The following USP26 variants were observed in gnomAD, a reference collection of about 807,000 sequenced individuals.
USP26 encodes ubiquitin specific peptidase 26.
For synonymous variants in USP26, 236 were observed against 240.6 expected (o/e 0.98, Z 0.18); for missense variants, 649 against 642.3 (o/e 1.01, Z -0.11).
chrX:133,039,394 G>C (rs921310232), intron 5 of USP26, among the ~76,000 whole-genome samples: 1 of 111,790 alleles, frequency 8.9e-6, no homozygotes, highest in Non-Finnish European at 1.9e-5. Flanking sequence ...AAAGGACTTC[G>C]TTATTTCTGT....
chrX:133,088,631 A>G (rs1011845224), intron 4 of USP26, among the ~76,000 whole-genome samples: 2 of 111,741 alleles, frequency 1.8e-5, no homozygotes, highest in African/African-American at 3.3e-5. Context: ...TTAAGTTCTG[A>G]ATAGGGTCAC....
rs2067335230 is a variant in USP26, at chrX:133,024,027, G to A, written c.*1452C>T. ...AACAGATTCACTGCCTCAAAGGCAGGAAAAGGTTATGATAATAGTGGTGGC... is the reference window on the plus strand; with the variant it reads ...AACAGATTCACTGCCTCAAAGGCAGAAAAAGGTTATGATAATAGTGGTGGC... On this transcript the variant is annotated 3_prime_UTR_variant, in exon 6 of 6. Transcript: ENST00000511190. Among the ~76,000 whole-genome samples, 1 of 111,862 alleles carries A rather than the reference G, an allele frequency of 8.9e-6. No homozygotes were observed.
At chrX:133,029,480 T>C (rs749946645) in intron 5 of USP26, among the ~76,000 whole-genome samples, 1 of 112,397 alleles carries the variant, frequency 8.9e-6, no homozygotes, top group South Asian at 3.7e-4. Flanking sequence ...ATATTTTTCA[T>C]GGTAGAAATG....
intron 5 of USP26, among the ~76,000 whole-genome samples, chrX:133,063,814 C>A (rs1288382726): frequency 9.0e-6 from 1 of 111,495 alleles, no homozygotes; most frequent in Non-Finnish European, 1.9e-5. Flanking sequence ...TGAAAAAACT[C>A]CATCAACTAA....
intron 5 of USP26, among the ~76,000 whole-genome samples, chrX:133,071,921 G>A (rs1329432560): frequency 5.4e-5 from 6 of 111,314 alleles, no homozygotes; most frequent in Non-Finnish European, 1.1e-4. Flanking sequence ...GAAGGTAAAG[G>A]GTTGGCCCCA....
At chrX:133,086,891 G>T (rs1202593886) in intron 4 of USP26, among the ~76,000 whole-genome samples, 1 of 98,099 alleles carries the variant, frequency 1.0e-5, no homozygotes, top group Non-Finnish European at 2.0e-5. Flanking sequence ...TTCAGTGTCG[G>T]TGACAGAGAG....
rs1483719969 is a variant in USP26, at chrX:133,025,581, G to A, written c.2640C>T (p.Ile880=). 2.5e-6 allele frequency: 3 copies of A among 1,211,273 alleles called. No individual in the cohort carries two copies. The highest frequency in any genetic ancestry group is 2.2e-5 in the Admixed American group (1 of 45,937). The part of the protein sequence containing the change: ...MQEDRRCTGY[I]FFYMHNEIFE... ...AGATCTCATTATGCATGTAAAAGAAGATGTACCCAGTGCAACGCCTATCCT... is the reference window on the plus strand; with the variant it reads ...AGATCTCATTATGCATGTAAAAGAAAATGTACCCAGTGCAACGCCTATCCT... Residue 880 remains isoleucine, a synonymous_variant, in exon 6 of 6, where the codon ATC becomes ATT. Transcript: ENST00000511190.
In USP26 at chrX:133,027,057, A is replaced by T; in HGVS notation, c.1164T>A (p.Ala388=). ...TATCTTTCAGTTGATCTAAACAGTG[A>T]GCTAAAAACTCATGAGCATCGTTCT... The part of the protein sequence containing the change: ...NAQNDAHEFL[A]HCLDQLKDNM... Residue 388 remains alanine, a synonymous_variant, in exon 6 of 6, where the codon GCT becomes GCA. Transcript: ENST00000511190. The T allele has an allele frequency of 8.3e-7, 1 of 1,211,648 alleles. No individual in the cohort carries two copies. Among genetic ancestry groups the T allele is most frequent in the Non-Finnish European group, 1.1e-6 (1 of 895,363 alleles).
chrX:133,054,324 T>C (rs2067469040), intron 5 of USP26, among the ~76,000 whole-genome samples: 3 of 111,133 alleles, frequency 2.7e-5, no homozygotes. Context: ...TCTTTTCCAC[T>C]CACTTTACAT....
At chrX:133,081,382 C>T (rs1005127475) in intron 5 of USP26, among the ~76,000 whole-genome samples, 2 of 49,933 alleles carry the variant, frequency 4.0e-5, no homozygotes, top group Non-Finnish European at 7.6e-5. Context: ...CTGCAACCTC[C>T]GCCTCCTGGA....
intron 4 of USP26, among the ~76,000 whole-genome samples, chrX:133,084,069 T>C (rs1328130315): frequency 8.9e-6 from 1 of 112,138 alleles, no homozygotes; most frequent in East Asian, 2.8e-4. Context: ...CCTGAAGTAC[T>C]TGTGGCTATC....
chrX:133,083,191 A>G (rs2067575935), intron 5 of USP26, among the ~76,000 whole-genome samples: 1 of 111,956 alleles, frequency 8.9e-6, no homozygotes, highest in African/African-American at 3.2e-5. Context: ...ATAGCAATAA[A>G]CTTCAGTATA....
chrX:133,046,537 A>G (rs1462065897), intron 5 of USP26, among the ~76,000 whole-genome samples: 1 of 111,564 alleles, frequency 9.0e-6, no homozygotes, highest in East Asian at 2.8e-4. Context: ...ACCCCTAAAA[A>G]GGTGATTCTC....
At chrX:133,047,622 A>G (rs1187601844) in intron 5 of USP26, among the ~76,000 whole-genome samples, 1 of 111,761 alleles carries the variant, frequency 8.9e-6, no homozygotes, top group Non-Finnish European at 1.9e-5. Flanking sequence ...TTCCCCCCAT[A>G]TTCAGATGTT....
At chrX:133,076,226 C>G (rs1503894) in intron 5 of USP26, among the ~76,000 whole-genome samples, 3,782 of 111,594 alleles carry the variant, frequency 0.034, 78 homozygotes, top group Non-Finnish European at 0.046. Context: ...GAGCTTTAAA[C>G]TACGTGATGC....
chrX:133,084,485 C>T (rs909203161), intron 4 of USP26, among the ~76,000 whole-genome samples: 2 of 109,624 alleles, frequency 1.8e-5, no homozygotes, highest in Non-Finnish European at 3.8e-5. Flanking sequence ...AGGCGTAAGC[C>T]ACCGGGCCTG....
At position 133,027,987 on chromosome X, in the gene USP26, A is replaced by G; in HGVS notation, c.234T>C (p.Asn78=). ...QNHLHLTLQN[N]NGLFIEGLSS... ...ATAATCCTTCAATAAACAAGCCATTATTATTTTGTAAAGTTAAATGCAGGT... is the reference window on the plus strand; with the variant it reads ...ATAATCCTTCAATAAACAAGCCATTGTTATTTTGTAAAGTTAAATGCAGGT... The change falls in exon 6 of 6, where the codon AAT becomes AAC. Residue 78 remains asparagine, a synonymous_variant. Coordinates refer to ENST00000511190, the MANE Select transcript of USP26 (RefSeq NM_031907.3). 1 of 1,211,396 alleles carries G rather than the reference A, an allele frequency of 8.3e-7. No homozygotes were observed. Among genetic ancestry groups the G allele is most frequent in the Non-Finnish European group, 1.1e-6 (1 of 895,245 alleles).
intron 5 of USP26, among the ~76,000 whole-genome samples, chrX:133,068,585 G>A (rs1225119742): frequency 2.7e-5 from 3 of 112,427 alleles, no homozygotes; most frequent in Non-Finnish European, 3.8e-5. Flanking sequence ...TTAAGTAATG[G>A]TGGGAAATTT....
chrX:133,089,562 T>C (rs1046139100), intron 4 of USP26, among the ~76,000 whole-genome samples: 3 of 111,623 alleles, frequency 2.7e-5, no homozygotes, highest in African/African-American at 9.8e-5. Flanking sequence ...GAGAAGACAG[T>C]ATAATCTATG....
Sources: gnomAD v4.1 joint callset for allele counts (sites outside exome capture counted in the v4.1 genomes callset) on GRCh38, gnomAD v4.1.1 for gene constraint, MANE v1.5 for transcripts, NCBI Gene and HGNC (gene_info 2026-07-23, HGNC 2026-07-21) for gene names.